The following NRG3 variants were observed in gnomAD, a reference collection of about 807,000 sequenced individuals.
NRG3 encodes the protein neuregulin 3.
Under a neutral mutation model 66.9 loss-of-function variants are expected in NRG3, and 31 were observed. The ratio of observed to expected loss-of-function variants is 0.46; its 90% CI spans 0.35 to 0.63. NRG3 has a LOEUF of 0.63. Among genes scored for constraint, NRG3 ranks in the 20% least tolerant of loss-of-function variants. NRG3 has a pLI of 0.00. For synonymous variants in NRG3, 393 were observed against 359.4 expected, an observed-to-expected ratio of 1.09 and a Z score of -1.06; for missense variants, 910 against 878.9, an observed-to-expected ratio of 1.04 and a Z score of -0.45.
Position 82,741,284 on chromosome 10 carries a change from G to C in NRG3, c.1027+2634G>C, listed in dbSNP as rs564273422. On this transcript the variant is annotated intron_variant, in intron 3 of 8. Transcript: ENST00000372141. ...AGTGTGCAAACAGGATTTAGGCCCT[G>C]AGGATCCCGCAGATTAGTGAGGGGG... 1.4e-4 allele frequency among the ~76,000 whole-genome samples: 21 copies of C among 152,232 alleles called. No homozygotes were observed. In the South Asian group the frequency reaches 4.4e-3, roughly 32 times the overall value.
intron 7 of NRG3, 75 bp from the exon 8 acceptor site, chr10:82,978,875 G>A: frequency 6.8e-7 from 1 of 1,471,260 alleles, no homozygotes; most frequent in South Asian, 1.3e-5. Flanking sequence ...TGCAAAGCTT[G>A]AGCAGCCACC....
At chr10:82,796,220 C>T (rs1163348881) in intron 3 of NRG3, among the ~76,000 whole-genome samples, 1 of 152,026 alleles carries the variant, frequency 6.6e-6, no homozygotes, top group Non-Finnish European at 1.5e-5. Context: ...GTACTGAAAA[C>T]ATTATTCTAT....
intron 2 of NRG3, among the ~76,000 whole-genome samples, chr10:82,419,076 G>A (rs2088861043): frequency 6.6e-6 from 1 of 152,042 alleles, no homozygotes; most frequent in Admixed American, 6.6e-5. Flanking sequence ...TAAACCAAGA[G>A]CGCTACTGAT....
chr10:82,564,154 T>C (rs2045238599), intron 2 of NRG3, among the ~76,000 whole-genome samples: 1 of 152,172 alleles, frequency 6.6e-6, no homozygotes, highest in Non-Finnish European at 1.5e-5. Flanking sequence ...CACTTTTCCA[T>C]GTGCATACAT....
intron 4 of NRG3, among the ~76,000 whole-genome samples, chr10:82,916,548 T>G (rs1023043654): frequency 6.6e-6 from 1 of 152,160 alleles, no homozygotes; most frequent in Non-Finnish European, 1.5e-5. Context: ...CACCTTTGTG[T>G]GAGATTCTCC....
chr10:82,714,929 A>G (rs1249795524), intron 2 of NRG3, among the ~76,000 whole-genome samples: 1 of 152,244 alleles, frequency 6.6e-6, no homozygotes. Context: ...CTTAAACACA[A>G]AAATGAAAAA....
rs77423502 is a variant in NRG3 at position 82,286,324 on chromosome 10, G to A, written c.824-72415G>A. ...ATTTAACATTTCATGATGGGATGGT[G>A]GTGTGTGTGTATGTTGACACATAAT... is the stretch of plus-strand genomic sequence containing the variant. On this transcript the variant is annotated intron_variant, in intron 1 of 8. Transcript: ENST00000372141. Among the ~76,000 whole-genome samples, 690 of 152,108 alleles carry A rather than the reference G, an allele frequency of 4.5e-3. 2 individuals are homozygous for A. Among genetic ancestry groups the A allele is most frequent in the African/African-American group, 0.015 (639 of 41,516 alleles).
chr10:82,060,276 C>T (rs1215981374), intron 1 of NRG3, among the ~76,000 whole-genome samples: 1 of 152,064 alleles, frequency 6.6e-6, no homozygotes, highest in Admixed American at 6.6e-5. Context: ...TGTAGGTACA[C>T]AATATATGGC....
intron 1 of NRG3, among the ~76,000 whole-genome samples, chr10:82,012,784 A>G (rs2061634152): frequency 6.6e-6 from 1 of 152,196 alleles, no homozygotes. Flanking sequence ...TAAAGCATAA[A>G]AAGAGTCACC....
chr10:82,136,595 G>A (rs916272380), intron 1 of NRG3, among the ~76,000 whole-genome samples: 1 of 152,140 alleles, frequency 6.6e-6, no homozygotes, highest in East Asian at 1.9e-4. Context: ...GTCTCTCCCT[G>A]TGTCCACCAT....
intron 1 of NRG3, among the ~76,000 whole-genome samples, chr10:82,355,365 A>C (rs2083706580): frequency 6.6e-6 from 1 of 152,188 alleles, no homozygotes; most frequent in Non-Finnish European, 1.5e-5. Context: ...ATTGCACCTT[A>C]CATTTTATTT....
chr10:82,783,087 A>C (rs1404158916), intron 3 of NRG3, among the ~76,000 whole-genome samples: 1 of 152,226 alleles, frequency 6.6e-6, no homozygotes, highest in Admixed American at 6.5e-5. Context: ...CCAGCATATA[A>C]ACAGAACCAA....
intron 2 of NRG3, among the ~76,000 whole-genome samples, chr10:82,603,414 G>A (rs993142527): frequency 1.3e-5 from 2 of 152,192 alleles, no homozygotes; most frequent in Non-Finnish European, 2.9e-5. Flanking sequence ...ACAAAGGCAA[G>A]AGTCTCAAAA....
intron 1 of NRG3, among the ~76,000 whole-genome samples, chr10:82,018,732 T>C (rs1340294937): frequency 6.6e-6 from 1 of 151,932 alleles, no homozygotes; most frequent in African/African-American, 2.4e-5. Flanking sequence ...TTTGGCTCTC[T>C]ATTTGTCTGT....
At chr10:82,803,738 T>C (rs906884242) in intron 3 of NRG3, among the ~76,000 whole-genome samples, 3 of 152,194 alleles carry the variant, frequency 2.0e-5, no homozygotes, top group Non-Finnish European at 4.4e-5. Context: ...TTTTGAGTTA[T>C]AAAATGAAGA....
At chr10:82,570,931 TTTC>T (rs2045692354) in intron 2 of NRG3, among the ~76,000 whole-genome samples, 1 of 151,648 alleles carries the variant, frequency 6.6e-6, no homozygotes, top group African/African-American at 2.4e-5. Context: ...ACCTGGAAAA[TTTC>T]AGAGTACTCA....
At chr10:81,909,438 G>A (rs1196813200) in intron 1 of NRG3, among the ~76,000 whole-genome samples, 1 of 152,108 alleles carries the variant, frequency 6.6e-6, no homozygotes, top group African/African-American at 2.4e-5. Flanking sequence ...GTATTAACGG[G>A]TATGGTAGTC....
chr10:81,994,349 A>G (rs917247360), intron 1 of NRG3, among the ~76,000 whole-genome samples: 1 of 152,162 alleles, frequency 6.6e-6, no homozygotes, highest in African/African-American at 2.4e-5. Flanking sequence ...CCATTATTAT[A>G]TATAAAACAT....
chr10:82,217,468 T>C (rs1170496398), intron 1 of NRG3, among the ~76,000 whole-genome samples: 1 of 152,244 alleles, frequency 6.6e-6, no homozygotes, highest in Admixed American at 6.5e-5. Context: ...TGTTTTAATG[T>C]GCTCTTGAGG....
Sources: gnomAD v4.1 joint callset for allele counts (sites outside exome capture counted in the v4.1 genomes callset) on GRCh38, gnomAD v4.1.1 for gene constraint, MANE v1.5 for transcripts, NCBI Gene and HGNC (gene_info 2026-07-23, HGNC 2026-07-21) for gene names.